GPC3: variants seen among roughly 807,000 people sequenced by gnomAD.
GPC3 encodes the protein glypican 3, also known as glypican-3.
A neutral mutation model predicts 34.4 loss-of-function variants in GPC3; 3 were observed. That is an observed-to-expected ratio of 0.09 (90% CI 0.04 to 0.23). GPC3 has a LOEUF of 0.23. Among genes scored for constraint, GPC3 ranks in the 10% least tolerant of loss-of-function variants. The pLI is 1.00. For synonymous variants in GPC3, 177 were observed against 174.0 expected, an observed-to-expected ratio of 1.02 and a Z score of -0.13; for missense variants, 351 against 445.6, an observed-to-expected ratio of 0.79 and a Z score of 1.91.
chrX:133,698,732 T>C (rs193154327), intron 4 of GPC3, among the ~76,000 whole-genome samples: 153 of 111,804 alleles, frequency 1.4e-3, no homozygotes, highest in South Asian at 8.7e-3. Flanking sequence ...CTGAGAGATT[T>C]ATAGAGGTAC....
At chrX:133,749,283 G>A (rs1257755893) in intron 3 of GPC3, among the ~76,000 whole-genome samples, 1 of 110,977 alleles carries the variant, frequency 9.0e-6, no homozygotes, top group Non-Finnish European at 1.9e-5. Flanking sequence ...AGAACAAAAC[G>A]AAACAAAATC....
rs768284135 is a variant in GPC3, at chrX:133,700,036, A to T, written c.1033-8T>A. 5 of 1,167,906 alleles carry T rather than the reference A, an allele frequency of 4.3e-6. No homozygotes were observed. The highest frequency in any genetic ancestry group is 1.8e-5 in the African/African-American group (1 of 56,492). On this transcript the variant is annotated splice_polypyrimidine_tract_variant and splice_region_variant and intron_variant, in intron 3 of 7. Transcript: ENST00000370818. ...GGCACATAACTTGCCAATCTGAAAA[A>T]AGAAATGCAATATAATTATATGATA...
chrX:133,824,339 T>C (rs1386430964), intron 2 of GPC3, among the ~76,000 whole-genome samples: 2 of 111,161 alleles, frequency 1.8e-5, no homozygotes, highest in Non-Finnish European at 3.8e-5. Flanking sequence ...ACGTTTAAAA[T>C]ACAAAGATAT....
chrX:133,645,046 G>C (rs1385034302), intron 6 of GPC3, among the ~76,000 whole-genome samples: 1 of 111,685 alleles, frequency 9.0e-6, no homozygotes, highest in Non-Finnish European at 1.9e-5. Flanking sequence ...CTCCTAAAAT[G>C]CTGGGATTAC....
Position 133,701,743 on chromosome X carries a change from T to C in GPC3, c.1033-1715A>G, listed in dbSNP as rs781720849. ...CACTCTACTTATAAGCCATGGGCTC[T>C]GTGTGGTAATCCCAGCTTCTGGATT... On this transcript the variant is annotated intron_variant, in intron 3 of 7. Coordinates refer to ENST00000370818, the MANE Select transcript of GPC3 (RefSeq NM_004484.4). 2.7e-5 allele frequency among the ~76,000 whole-genome samples: 3 copies of C among 112,270 alleles called. No individual in the cohort carries two copies. The East Asian group carries it at 8.4e-4, about 31-fold the overall frequency.
intron 2 of GPC3, among the ~76,000 whole-genome samples, chrX:133,891,030 TA>T (rs1194255195): frequency 2.8e-5 from 3 of 106,985 alleles, no homozygotes; most frequent in Admixed American, 1.0e-4. Context: ...CACTGTCTCT[TA>T]AAAAAAAATA....
chrX:133,939,208 T>C (rs1011754574), intron 2 of GPC3, among the ~76,000 whole-genome samples: 5 of 112,102 alleles, frequency 4.5e-5, no homozygotes, highest in African/African-American at 1.3e-4. Context: ...AATTCTTCCA[T>C]GTCTACATTC....
At chrX:133,903,583 CTG>C (rs1468999517) in intron 2 of GPC3, among the ~76,000 whole-genome samples, 1 of 112,079 alleles carries the variant, frequency 8.9e-6, no homozygotes, top group Non-Finnish European at 1.9e-5. Flanking sequence ...GAGCGAAACT[CTG>C]TCTGAAAACA....
At chrX:133,722,060 T>G (rs1405164520) in intron 3 of GPC3, among the ~76,000 whole-genome samples, 1 of 111,213 alleles carries the variant, frequency 9.0e-6, no homozygotes, top group Non-Finnish European at 1.9e-5. Flanking sequence ...GTACTCTAAA[T>G]ACAAAAGGAA....
intron 2 of GPC3, among the ~76,000 whole-genome samples, chrX:133,913,207 C>CG (rs2076209021): frequency 8.9e-6 from 1 of 111,911 alleles, no homozygotes; most frequent in Non-Finnish European, 1.9e-5. Flanking sequence ...ATCACATTTG[C>CG]ATAGGAGAGG....
intron 3 of GPC3, among the ~76,000 whole-genome samples, chrX:133,725,085 C>A (rs1020492833): frequency 9.0e-6 from 1 of 111,520 alleles, no homozygotes; most frequent in African/African-American, 3.3e-5. Context: ...GAGAGTCTTC[C>A]ATTGATTTCA....
intron 2 of GPC3, among the ~76,000 whole-genome samples, chrX:133,851,306 C>T (rs990627964): frequency 1.4e-4 from 16 of 111,816 alleles, no homozygotes; most frequent in African/African-American, 4.9e-4. Flanking sequence ...TATAAAGGCA[C>T]ATCATTCCAA....
In GPC3 at chrX:133,676,251, C is replaced by T. The variant is rs185450283; in HGVS notation, c.1293-14401G>A. Among the ~76,000 whole-genome samples the T allele has an allele frequency of 2.9e-4, 33 of 112,347 alleles. No homozygotes were observed. The East Asian group carries it at 8.9e-3, about 30-fold the overall frequency. ...AGAGTAGAACTGCTCTTTCTATAGT[C>T]TTCCTAAACTCATGTCCAGAGATCT... On this transcript the variant is annotated intron_variant, in intron 5 of 7. Transcript: ENST00000370818.
At chrX:133,828,294 C>T (rs935533269) in intron 2 of GPC3, among the ~76,000 whole-genome samples, 2 of 110,689 alleles carry the variant, frequency 1.8e-5, no homozygotes, top group Non-Finnish European at 3.8e-5. Flanking sequence ...GTAGCTGGGA[C>T]TACAGGTGAG....
At chrX:133,886,345 A>AT (rs1317457467) in intron 2 of GPC3, among the ~76,000 whole-genome samples, 1 of 105,515 alleles carries the variant, frequency 9.5e-6, no homozygotes, top group Admixed American at 1.0e-4. Flanking sequence ...TCCTGTCCCT[A>AT]TTTTAAAAAA....
At chrX:133,658,789 G>A (rs1053656228) in intron 6 of GPC3, among the ~76,000 whole-genome samples, 1 of 111,921 alleles carries the variant, frequency 8.9e-6, no homozygotes, top group Admixed American at 9.5e-5. Flanking sequence ...CCAGAGGTAG[G>A]AAAAAGGAAT....
chrX:133,835,002 C>T lies in GPC3; in HGVS notation c.338-80826G>A, dbSNP rs755049085. 2.8e-4 allele frequency among the ~76,000 whole-genome samples: 31 copies of T among 112,232 alleles called. No homozygotes were observed. In the East Asian group the frequency reaches 4.5e-3, roughly 16 times the overall value. On this transcript the variant is annotated intron_variant, in intron 2 of 7. Transcript: ENST00000370818. ...ATTGACTTATCTAGATACTTCATGG[C>T]ATCCACGCTTTTTGGTTCCTTAGTT...
chrX:133,959,607 A>G (rs2076433401), intron 1 of GPC3, among the ~76,000 whole-genome samples: 1 of 112,574 alleles, frequency 8.9e-6, no homozygotes. Context: ...CCTCTACCTA[A>G]CTTTTTGCCC....
chrX:133,945,026 G>C (rs1348421111), intron 2 of GPC3, among the ~76,000 whole-genome samples: 1 of 111,947 alleles, frequency 8.9e-6, no homozygotes, highest in Non-Finnish European at 1.9e-5. Flanking sequence ...CCTTCCAAGA[G>C]GGAAGTCTAA....
Sources: gnomAD v4.1 joint callset for allele counts (sites outside exome capture counted in the v4.1 genomes callset) on GRCh38, gnomAD v4.1.1 for gene constraint, MANE v1.5 for transcripts, NCBI Gene and HGNC (gene_info 2026-07-23, HGNC 2026-07-21) for gene names.